Variants in GRM8 observed in about 807,000 individuals in gnomAD.
GRM8 encodes metabotropic glutamate receptor 8.
GRM8 carries 47 observed loss-of-function variants against 87.2 expected under a neutral mutation model. That is an observed-to-expected ratio of 0.54 (90% CI 0.43 to 0.69). The LOEUF (loss-of-function observed/expected upper bound fraction) is 0.69, where lower values mean the gene tolerates loss of function less well. GRM8 is among the 30% of genes least tolerant of loss of function. The pLI is 0.00. For missense variants in GRM8, 1,019 were observed against 1,139.2 expected, an observed-to-expected ratio of 0.89 and a Z score of 1.52; for synonymous variants, 396 against 404.5, an observed-to-expected ratio of 0.98 and a Z score of 0.25.
At chr7:127,239,589 G>A (rs1798170339) in intron 2 of GRM8, among the ~76,000 whole-genome samples, 2 of 152,164 alleles carry the variant, frequency 1.3e-5, no homozygotes, top group Admixed American at 6.5e-5. Context: ...TTTTCAAAAA[G>A]GAGCTATATG....
chr7:126,974,936 CAAAAAAAAAA>C (rs36129145), intron 3 of GRM8, among the ~76,000 whole-genome samples: 18 of 59,610 alleles, frequency 3.0e-4, no homozygotes, highest in East Asian at 1.6e-3. Flanking sequence ...ACTCTTGTCT[CAAAAAAAAAA>C]AAAAAAAAAA....
chr7:127,202,998 A>C (rs1018542817), intron 2 of GRM8, among the ~76,000 whole-genome samples: 10 of 152,284 alleles, frequency 6.6e-5, no homozygotes, highest in South Asian at 6.2e-4. Flanking sequence ...ATTTAATTAG[A>C]AGACAGACCT....
At chr7:127,109,027 A>C (rs563310184) in intron 2 of GRM8, among the ~76,000 whole-genome samples, 2 of 152,166 alleles carry the variant, frequency 1.3e-5, no homozygotes, top group South Asian at 4.1e-4. Context: ...TTCATTAAGC[A>C]TTTTAATTTC....
chr7:126,856,979 T>G (rs1298885976), intron 6 of GRM8, among the ~76,000 whole-genome samples: 1 of 152,230 alleles, frequency 6.6e-6, no homozygotes, highest in Non-Finnish European at 1.5e-5. Context: ...AGATTCTTGA[T>G]GCAAAGGTCT....
chr7:126,601,515 C>T (rs9692182), intron 8 of GRM8, among the ~76,000 whole-genome samples: 27,425 of 151,726 alleles, frequency 0.18, 2,541 homozygotes, highest in South Asian at 0.23. Context: ...ACACTGACTT[C>T]CACAATGGTT....
chr7:126,613,583 G>A lies in GRM8; in HGVS notation c.1358-4085C>T, dbSNP rs541129900. Among the ~76,000 whole-genome samples the A allele has an allele frequency of 4.7e-4, 71 of 152,296 alleles. 1 individual carries two copies. Among genetic ancestry groups the A allele is most frequent in the African/African-American group, 1.5e-3 (63 of 41,574 alleles). The stretch of plus-strand genomic sequence containing the variant: ...GTGAGCCAAAGCAGGGCGAGGCATC[G>A]CCTCACCCGGAAAGTGCAAGGGGTC... On this transcript the variant is annotated intron_variant, in intron 7 of 10. Transcript: ENST00000339582.
At chr7:126,521,383 A>AT (rs890708584) in intron 9 of GRM8, among the ~76,000 whole-genome samples, 38 of 149,934 alleles carry the variant, frequency 2.5e-4, no homozygotes, top group South Asian at 6.3e-4. Flanking sequence ...TTTTTGAACT[A>AT]TTTTTTTTTT....
chr7:126,809,652 C>T (rs1793107384), intron 6 of GRM8, among the ~76,000 whole-genome samples: 1 of 152,136 alleles, frequency 6.6e-6, no homozygotes, highest in Non-Finnish European at 1.5e-5. Flanking sequence ...TTAATTTCCC[C>T]ATAGAATGTA....
At chr7:126,600,101 CATT>C (rs766189738) in intron 8 of GRM8, among the ~76,000 whole-genome samples, 2 of 152,106 alleles carry the variant, frequency 1.3e-5, no homozygotes, top group African/African-American at 2.4e-5. Flanking sequence ...TTAAGGTGAT[CATT>C]GATTCCTTGA....
At position 127,241,969 on chromosome 7, in the gene GRM8, A is replaced by C. The variant is rs537095756; in HGVS notation, c.510+726T>G. Among the ~76,000 whole-genome samples, 44 of 152,362 alleles carry C rather than the reference A, an allele frequency of 2.9e-4. 1 individual carries two copies. The highest frequency in any genetic ancestry group is 6.8e-3 in the Middle Eastern group (2 of 294). ...TTTATACTTTTCAAAGTATTTTTAC[A>C]TATATTATTCCATATTTCCAATTTT... On this transcript the variant is annotated intron_variant, in intron 2 of 10. Coordinates refer to ENST00000339582, the MANE Select transcript of GRM8 (RefSeq NM_000845.3).
At chr7:127,128,996 C>T (rs1827528355) in intron 2 of GRM8, among the ~76,000 whole-genome samples, 1 of 152,130 alleles carries the variant, frequency 6.6e-6, no homozygotes, top group African/African-American at 2.4e-5. Context: ...CCTATGGCAA[C>T]TGCATTATCA....
intron 3 of GRM8, among the ~76,000 whole-genome samples, chr7:126,991,670 G>C (rs575433968): frequency 2.6e-5 from 4 of 152,088 alleles, no homozygotes; most frequent in African/African-American, 4.8e-5. Context: ...AAAAAATCAT[G>C]ATGGCCACAA....
At chr7:127,032,440 C>A (rs1451290045) in intron 3 of GRM8, among the ~76,000 whole-genome samples, 3 of 152,116 alleles carry the variant, frequency 2.0e-5, no homozygotes, top group Non-Finnish European at 4.4e-5. Flanking sequence ...CGTCCACACC[C>A]CCATCAGGTC....
intron 3 of GRM8, among the ~76,000 whole-genome samples, chr7:126,956,489 CT>C (rs371403046): frequency 1.2e-4 from 18 of 152,116 alleles, no homozygotes; most frequent in African/African-American, 2.4e-4. Flanking sequence ...TCAACATTCC[CT>C]TTTTTTTATT....
intron 2 of GRM8, among the ~76,000 whole-genome samples, chr7:127,120,751 G>A (rs946816508): frequency 1.3e-5 from 2 of 152,198 alleles, no homozygotes; most frequent in Non-Finnish European, 2.9e-5. Flanking sequence ...ACTTTATGAA[G>A]AAGTTGATGC....
At chr7:126,562,212 T>A (rs1793786357) in intron 8 of GRM8, among the ~76,000 whole-genome samples, 1 of 152,136 alleles carries the variant, frequency 6.6e-6, no homozygotes, top group South Asian at 2.1e-4. Flanking sequence ...AGATAAAGTG[T>A]CTTGCTGTCC....
At chr7:127,211,241 T>A (rs1488810566) in intron 2 of GRM8, among the ~76,000 whole-genome samples, 2 of 152,264 alleles carry the variant, frequency 1.3e-5, no homozygotes, top group East Asian at 3.9e-4. Flanking sequence ...CAGCCTTCAG[T>A]ATGTGGTCAA....
At chr7:126,494,322 T>C (rs1808425283) in intron 9 of GRM8, among the ~76,000 whole-genome samples, 1 of 131,544 alleles carries the variant, frequency 7.6e-6, no homozygotes, top group African/African-American at 2.5e-5. Flanking sequence ...CTTACTATTA[T>C]GTAAACAAAA....
Position 127,122,653 on chromosome 7 carries a change from T to C in GRM8, c.511-15941A>G, listed in dbSNP as rs183401537. Among the ~76,000 whole-genome samples, 1,248 of 152,194 alleles carry C rather than the reference T, an allele frequency of 8.2e-3. 14 individuals carry two copies. The highest frequency in any genetic ancestry group is 0.037 in the Middle Eastern group (11 of 294). ...TTTAAAGTAGTTTGACATTTAAGAA[T>C]ATAATCTAACTTAAATTAGGATTGA... On this transcript the variant is annotated intron_variant, in intron 2 of 10. Transcript: ENST00000339582.
Sources: gnomAD v4.1 joint callset for allele counts (sites outside exome capture counted in the v4.1 genomes callset) on GRCh38, gnomAD v4.1.1 for gene constraint, MANE v1.5 for transcripts, NCBI Gene and HGNC (gene_info 2026-07-23, HGNC 2026-07-21) for gene names.